BLNK: variants seen among roughly 807,000 people sequenced by gnomAD.
BLNK encodes the protein B-cell linker protein.
A neutral mutation model predicts 73.5 loss-of-function variants in BLNK; 29 were observed. The ratio of observed to expected loss-of-function variants is 0.39; its 90% confidence interval spans 0.29 to 0.54. The LOEUF (loss-of-function observed/expected upper bound fraction) is 0.54. BLNK is among the 20% of genes least tolerant of loss of function. The pLI is 0.61. For missense variants in BLNK, 460 were observed against 562.8 expected (o/e 0.82, Z 1.85); for synonymous variants, 176 against 200.8 (o/e 0.88, Z 1.04).
intron 1 of BLNK, among the ~76,000 whole-genome samples, chr10:96,265,119 C>CTTATTTATTTAT (rs55872216): frequency 0.019 from 2,639 of 137,002 alleles, 55 homozygotes; most frequent in East Asian, 0.026. Context: ...CCACACCAGA[C>CTTATTTATTTAT]TTATTTATTT....
chr10:96,253,938 A>G (rs1197082528), intron 1 of BLNK, among the ~76,000 whole-genome samples: 8 of 151,904 alleles, frequency 5.3e-5, no homozygotes, highest in Non-Finnish European at 1.2e-4. Flanking sequence ...GGAGAATGGC[A>G]TGGACCCAGG....
At chr10:96,269,094 T>C (rs1273192374) in intron 1 of BLNK, among the ~76,000 whole-genome samples, 3 of 152,226 alleles carry the variant, frequency 2.0e-5, no homozygotes, top group African/African-American at 7.2e-5. Flanking sequence ...ATTTCATTTC[T>C]TTGAAAAGTT....
chr10:96,220,334 G>A (rs2084168431), intron 6 of BLNK, among the ~76,000 whole-genome samples: 2 of 152,184 alleles, frequency 1.3e-5, no homozygotes, highest in East Asian at 1.9e-4. Flanking sequence ...CCCAGACAAC[G>A]ATGCCACTTC....
At chr10:96,205,559 T>G (rs1050381900) in intron 11 of BLNK, among the ~76,000 whole-genome samples, 1 of 152,220 alleles carries the variant, frequency 6.6e-6, no homozygotes, top group African/African-American at 2.4e-5. Context: ...CTATGTTAGA[T>G]GTTTTGCTCA....
At chr10:96,260,186 G>C (rs1458172902) in intron 1 of BLNK, among the ~76,000 whole-genome samples, 3 of 152,144 alleles carry the variant, frequency 2.0e-5, no homozygotes, top group African/African-American at 7.2e-5. Flanking sequence ...AACCAAAAAA[G>C]TTAAGGGAGA....
At chr10:96,230,939 T>C in intron 3 of BLNK, 105 bp from the exon 4 acceptor site, 1 of 1,185,624 alleles carries the variant, frequency 8.4e-7, no homozygotes, top group African/African-American at 1.5e-5. Flanking sequence ...CCTTTGGGCT[T>C]TCTGGTGCCA....
At chr10:96,220,514 T>G (rs1301670384) in intron 6 of BLNK, among the ~76,000 whole-genome samples, 1 of 152,244 alleles carries the variant, frequency 6.6e-6, no homozygotes, top group South Asian at 2.1e-4. Flanking sequence ...TGCAATTCAA[T>G]GCTTTAACGT....
intron 3 of BLNK, among the ~76,000 whole-genome samples, chr10:96,235,578 G>A (rs587774342): frequency 1.4e-4 from 21 of 152,276 alleles, no homozygotes; most frequent in Non-Finnish European, 2.5e-4. Context: ...AAAACTCAGG[G>A]CCATGTAGTT....
At chr10:96,246,665 A>G (rs1216633785) in intron 2 of BLNK, among the ~76,000 whole-genome samples, 1 of 152,266 alleles carries the variant, frequency 6.6e-6, no homozygotes, top group African/African-American at 2.4e-5. Flanking sequence ...ATTTCTCCAT[A>G]CATGTTTTCA....
intron 16 of BLNK, among the ~76,000 whole-genome samples, chr10:96,192,451 T>C (rs1321054358): frequency 1.3e-5 from 2 of 152,226 alleles, no homozygotes; most frequent in Non-Finnish European, 2.9e-5. Context: ...GATCATCTCT[T>C]ACTTTGCACA....
intron 1 of BLNK, among the ~76,000 whole-genome samples, chr10:96,265,681 A>T (rs570565963): frequency 6.6e-6 from 1 of 152,364 alleles, no homozygotes; most frequent in Non-Finnish European, 1.5e-5. Context: ...TGGCAAAGAT[A>T]TGTATTGCCT....
Position 96,207,019 on chromosome 10 carries a change from A to G in BLNK, c.809T>C (p.Val270Ala). The G allele has an allele frequency of 6.2e-7, 1 of 1,614,044 alleles. No individual in the cohort carries two copies. The highest frequency in any genetic ancestry group is 8.5e-7 in the Non-Finnish European group (1 of 1,179,920). The change falls in exon 11 of 17, where the codon GTT becomes GCT. Residue 270 changes from valine (V) to alanine (A), a missense_variant. By Grantham distance (64) the Val-to-Ala change is moderately conservative (BLOSUM62 0). This residue lies in a region of BLNK where 233 missense variants were observed against 232.1 expected (regional missense o/e 1.00). Coordinates refer to ENST00000224337, the MANE Select transcript of BLNK (RefSeq NM_013314.4). The part of the protein sequence containing the change: ...PVASQQNASS[V>A]CEEKPIPAER... ...AAAATAATAGATTTTACCTTCACAA[A>G]CACTTGAAGCATTCTGTTGAGAGGC...
In BLNK at chr10:96,191,937, G is replaced by T. The variant is rs782032473; in HGVS notation, c.*36C>A. ...TCAAAAGGAGAAACTTTGGGAAAGT[G>T]TCTGAAGCAATGGTATTGATCTTTT... On this transcript the variant is annotated 3_prime_UTR_variant, in exon 17 of 17. Coordinates refer to ENST00000224337, the MANE Select transcript of BLNK (RefSeq NM_013314.4). 6.2e-7 allele frequency: 1 copy of T among 1,612,486 alleles called. No individual in the cohort carries two copies. Among genetic ancestry groups the T allele is most frequent in the Admixed American group, 1.7e-5 (1 of 59,994 alleles).
chr10:96,254,889 A>G (rs1444630371), intron 1 of BLNK, among the ~76,000 whole-genome samples: 1 of 152,156 alleles, frequency 6.6e-6, no homozygotes, highest in East Asian at 1.9e-4. Flanking sequence ...CTTGGATGAA[A>G]AGGTAGGTTA....
intron 3 of BLNK, among the ~76,000 whole-genome samples, chr10:96,238,127 G>A (rs1842762011): frequency 6.6e-6 from 1 of 152,234 alleles, no homozygotes; most frequent in Admixed American, 6.5e-5. Context: ...GGTCTGAACT[G>A]AAGGCAGCAG....
intron 9 of BLNK, among the ~76,000 whole-genome samples, 160 bp downstream of exon 9, chr10:96,209,678 C>T (rs2083902225): frequency 6.6e-6 from 1 of 152,216 alleles, no homozygotes. Flanking sequence ...CAGGCCTGAG[C>T]CACCATGCCT....
Position 96,230,812 on chromosome 10 carries a change from C to T in BLNK, c.186G>A (p.Glu62=). The T allele has an allele frequency of 1.9e-6, 3 of 1,611,442 alleles. No homozygotes were observed. The highest frequency in any genetic ancestry group is 2.5e-6 in the Non-Finnish European group (3 of 1,179,018). Residue 62 remains glutamate (E), a synonymous_variant, in exon 4 of 17, where the codon GAG becomes GAA. Transcript: ENST00000224337. The part of the protein sequence containing the change: ...YASESPADEE[E]QWSDDFDSDY... ...TACTTACAAAGTCATCGGACCACTG[C>T]TCCTCTTCGTCAGCAGGGCTCTCTG...
At chr10:96,204,734 C>G (rs2083750638) in intron 11 of BLNK, 118 bp from the exon 12 acceptor site, 2 of 864,074 alleles carry the variant, frequency 2.3e-6, no homozygotes, top group East Asian at 5.4e-5. Flanking sequence ...GGGAACATGT[C>G]TTAGTTACTG....
chr10:96,235,715 T>C (rs1366834377), intron 3 of BLNK, among the ~76,000 whole-genome samples: 2 of 152,016 alleles, frequency 1.3e-5, no homozygotes, highest in Non-Finnish European at 2.9e-5. Context: ...AATGGGGCCT[T>C]GAAGGATGAG....
Sources: gnomAD v4.1 joint callset for allele counts (sites outside exome capture counted in the v4.1 genomes callset) on GRCh38, gnomAD v4.1.1 for gene constraint, gnomAD v4.1.1 regional missense constraint, MANE v1.5 for transcripts, NCBI Gene and HGNC (gene_info 2026-07-23, HGNC 2026-07-21) for gene names.